CATSPER3: variants seen among roughly 807,000 people sequenced by gnomAD.
CATSPER3 encodes cation channel sperm-associated protein 3.
CATSPER3 carries 23 observed loss-of-function variants against 36.6 expected under a neutral mutation model. The ratio of observed to expected loss-of-function variants is 0.63; its 90% confidence interval spans 0.45 to 0.89. CATSPER3 has a LOEUF of 0.89. CATSPER3 is among the 40% of genes least tolerant of loss of function. CATSPER3 has a pLI of 0.00. For missense variants in CATSPER3, 474 were observed against 503.9 expected (o/e 0.94, Z 0.57); for synonymous variants, 172 against 184.1 (o/e 0.93, Z 0.53).
At chr5:134,968,271 C>T (rs1197618057) in intron 1 of CATSPER3, 182 bp downstream of exon 1, 2 of 617,494 alleles carry the variant, frequency 3.2e-6, no homozygotes, top group South Asian at 3.6e-5. Flanking sequence ...CCTTTATGTG[C>T]CCTGTAGACT....
chr5:134,993,595 A>C (rs1006584264), intron 2 of CATSPER3, among the ~76,000 whole-genome samples: 1 of 152,246 alleles, frequency 6.6e-6, no homozygotes, highest in African/African-American at 2.4e-5. Context: ...AGGGAAGTAC[A>C]GATACGGTAG....
intron 2 of CATSPER3, among the ~76,000 whole-genome samples, chr5:134,978,257 T>C (rs918480792): frequency 6.6e-6 from 1 of 152,158 alleles, no homozygotes; most frequent in Non-Finnish European, 1.5e-5. Flanking sequence ...GGTGATGATA[T>C]TTAGCAATAT....
chr5:134,984,451 G>A (rs1310021365), intron 2 of CATSPER3, among the ~76,000 whole-genome samples: 1 of 152,078 alleles, frequency 6.6e-6, no homozygotes, highest in Non-Finnish European at 1.5e-5. Context: ...TAAAAAATGG[G>A]CAAAGGCTAT....
rs147179187 is a variant in CATSPER3 at position 134,996,078 on chromosome 5, C to T, written c.253-195C>T. 1.1e-3 allele frequency among the ~76,000 whole-genome samples: 160 copies of T among 152,224 alleles called. 1 individual carries two copies. Among genetic ancestry groups the T allele is most frequent in the African/African-American group, 2.9e-3 (120 of 41,564 alleles). ...AGACCCAGCCCCAGGTGTAGGGCCA[C>T]GGGGTAGGGAGGACAGAGAAGGGGA... On this transcript the variant is annotated intron_variant, in intron 2 of 7. Transcript: ENST00000282611.
chr5:134,986,218 C>T (rs1751806604), intron 2 of CATSPER3, among the ~76,000 whole-genome samples: 1 of 151,266 alleles, frequency 6.6e-6, no homozygotes, highest in Non-Finnish European at 1.5e-5. Flanking sequence ...AATCTCAGCT[C>T]ACTGCAACCT....
intron 4 of CATSPER3, 67 bp downstream of exon 4, chr5:135,008,206 G>C: frequency 7.6e-7 from 1 of 1,317,212 alleles, no homozygotes; most frequent in Non-Finnish European, 1.1e-6. Context: ...TGGTGCAAGC[G>C]TGTGGACATG....
Position 134,998,997 on chromosome 5 carries a change from G to T in CATSPER3, c.492+2485G>T, listed in dbSNP as rs191470255. Among the ~76,000 whole-genome samples the T allele has an allele frequency of 3.9e-5, 6 of 152,320 alleles. No individual in the cohort carries two copies. In the East Asian group the frequency reaches 1.2e-3, roughly 29 times the overall value. On this transcript the variant is annotated intron_variant, in intron 3 of 7. Coordinates refer to ENST00000282611, the MANE Select transcript of CATSPER3 (RefSeq NM_178019.3). Reference sequence around the variant, plus strand: ...GACATGAAGTCCTTGCCATGCCTATGTCCTGAATGGTATTGCCTAGGTTTT... The same window carrying T: ...GACATGAAGTCCTTGCCATGCCTATTTCCTGAATGGTATTGCCTAGGTTTT...
chr5:135,009,201 TAAG>T (rs1752145003), intron 5 of CATSPER3, among the ~76,000 whole-genome samples, 167 bp from the exon 6 acceptor site: 1 of 152,180 alleles, frequency 6.6e-6, no homozygotes, highest in African/African-American at 2.4e-5. Flanking sequence ...CGGTGGGGCT[TAAG>T]AAGCCTCTGC....
intron 1 of CATSPER3, 58 bp downstream of exon 1, chr5:134,968,147 C>A: frequency 1.7e-6 from 2 of 1,198,386 alleles, no homozygotes; most frequent in Non-Finnish European, 2.5e-6. Flanking sequence ...AGTGTGAGGG[C>A]AGGGTGTCAG....
At chr5:135,011,385 C>T (rs935601313) in intron 7 of CATSPER3, 136 bp from the exon 8 acceptor site, 3 of 717,348 alleles carry the variant, frequency 4.2e-6, no homozygotes, top group Non-Finnish European at 7.5e-6. Context: ...TCCAACCCAG[C>T]CTCATCTGGC....
intron 3 of CATSPER3, among the ~76,000 whole-genome samples, chr5:135,000,315 G>A (rs1752004710): frequency 1.3e-5 from 2 of 152,146 alleles, no homozygotes; most frequent in Non-Finnish European, 2.9e-5. Context: ...TGCTGGATTC[G>A]GTTTGCCAGT....
At chr5:134,979,948 C>T (rs116274426) in intron 2 of CATSPER3, among the ~76,000 whole-genome samples, 2 of 118,064 alleles carry the variant, frequency 1.7e-5, no homozygotes, top group Admixed American at 8.9e-5. Flanking sequence ...CCTCATTTCC[C>T]ACCCTTCCCT....
chr5:134,998,293 C>A (rs1374166274), intron 3 of CATSPER3, among the ~76,000 whole-genome samples: 1 of 152,200 alleles, frequency 6.6e-6, no homozygotes, highest in African/African-American at 2.4e-5. Flanking sequence ...TGTATATGTG[C>A]CACATTTTCT....
intron 2 of CATSPER3, among the ~76,000 whole-genome samples, chr5:134,982,772 C>T (rs1751765191): frequency 6.6e-6 from 1 of 152,158 alleles, no homozygotes; most frequent in Non-Finnish European, 1.5e-5. Flanking sequence ...GGTAAGGCAA[C>T]TGCATCAGTA....
chr5:134,970,168 T>C lies in CATSPER3; in HGVS notation c.252+76T>C, dbSNP rs564840561. The C allele has an allele frequency of 9.1e-5, 134 of 1,478,314 alleles. 2 individuals are homozygous for C. The South Asian group carries it at 1.5e-3, about 16-fold the overall frequency. The allele number at this position is 1,478,314 out of a possible 1,614,324, so 91.6% of individuals were successfully genotyped here. A position where few individuals can be genotyped will look rare whatever the true frequency, so the allele number is the denominator to read the frequency against. On this transcript the variant is annotated intron_variant, in intron 2 of 7. Coordinates refer to ENST00000282611, the MANE Select transcript of CATSPER3 (RefSeq NM_178019.3). ...TTTCTGGAAACATTATAAGATTTTT[T>C]TTTTTTTCCGAGACAGAATCTCACT...
At chr5:135,007,129 T>C (rs1191746298) in intron 3 of CATSPER3, among the ~76,000 whole-genome samples, 3 of 152,088 alleles carry the variant, frequency 2.0e-5, no homozygotes. Context: ...GGGTCATTAG[T>C]GGTTGAAGGT....
intron 2 of CATSPER3, among the ~76,000 whole-genome samples, chr5:134,980,457 A>T (rs1199448210): frequency 3.8e-5 from 4 of 105,574 alleles, no homozygotes; most frequent in Non-Finnish European, 7.1e-5. Context: ...TTTGAGATGG[A>T]GTCTTGCTCT....
intron 2 of CATSPER3, among the ~76,000 whole-genome samples, chr5:134,992,449 G>A (rs1751890625): frequency 6.6e-6 from 1 of 152,200 alleles, no homozygotes; most frequent in Admixed American, 6.5e-5. Context: ...ATGGGGCCGG[G>A]TGCAGTAGCT....
At chr5:134,970,599 T>C (rs539915444) in intron 2 of CATSPER3, among the ~76,000 whole-genome samples, 20 of 129,702 alleles carry the variant, frequency 1.5e-4, no homozygotes, top group Non-Finnish European at 3.2e-4. Context: ...TGAGACAGAG[T>C]CTCGCCCTGT....
Sources: gnomAD v4.1 joint callset for allele counts (sites outside exome capture counted in the v4.1 genomes callset) on GRCh38, gnomAD v4.1.1 for gene constraint, MANE v1.5 for transcripts, NCBI Gene and HGNC (gene_info 2026-07-23, HGNC 2026-07-21) for gene names.